Variants in ROCK1 observed in about 807,000 individuals in gnomAD.
ROCK1 encodes the protein Rho associated coiled-coil containing protein kinase 1.
A neutral mutation model predicts 196.8 loss-of-function variants in ROCK1; 36 were observed. That is an observed-to-expected ratio of 0.18 (90% confidence interval 0.14 to 0.24). The LOEUF is 0.24. ROCK1 is among the 10% of genes least tolerant of loss of function. The pLI is 1.00. For missense variants in ROCK1, 920 were observed against 1,562.0 expected, an observed-to-expected ratio of 0.59 and a Z score of 6.93; for synonymous variants, 443 against 515.9, an observed-to-expected ratio of 0.86 and a Z score of 1.91.
chr18:21,095,493 C>T (rs1339781521), intron 1 of ROCK1, among the ~76,000 whole-genome samples: 1 of 152,074 alleles, frequency 6.6e-6, no homozygotes, highest in Non-Finnish European at 1.5e-5. Context: ...AAATACGGTA[C>T]ATATACACAA....
At chr18:21,045,160 G>A (rs1428433484) in intron 5 of ROCK1, 132 bp downstream of exon 5, 7 of 753,328 alleles carry the variant, frequency 9.3e-6, no homozygotes, top group Non-Finnish European at 1.4e-5. Context: ...CGCCTGGCCA[G>A]AGTCTTGAGT....
rs1288764125 is a variant in ROCK1 at position 21,049,189 on chromosome 18, A to C, written c.317T>G (p.Leu106Arg). ...CTTTATCATTTCAAATTTGCTGAGA[A>C]GCTTCATAGCATATACCTTCCTGGT... ...KSTRKVYAMK[L>R]LSKFEMIKRS... Residue 106 changes from leucine to arginine, a missense_variant, in exon 4 of 33, where the codon CTT becomes CGT. By Grantham distance (102) the Leu-to-Arg change is moderately radical. Around this residue, in one of 6 missense-constraint regions of ROCK1, gnomAD observed 234 missense variants for 460.7 expected, o/e 0.51. Coordinates refer to ENST00000399799, the MANE Select transcript of ROCK1 (RefSeq NM_005406.3). 4 of 1,611,768 alleles carry C rather than the reference A, an allele frequency of 2.5e-6. No homozygotes were observed. Among genetic ancestry groups the C allele is most frequent in the South Asian group, 1.1e-5 (1 of 90,790 alleles).
At chr18:21,037,809 G>A (rs2036070068) in intron 9 of ROCK1, among the ~76,000 whole-genome samples, 1 of 152,078 alleles carries the variant, frequency 6.6e-6, no homozygotes, top group African/African-American at 2.4e-5. Flanking sequence ...AAAACTTTTG[G>A]TGGTTTGATC....
intron 2 of ROCK1, among the ~76,000 whole-genome samples, chr18:21,053,345 ACT>A (rs1285760218): frequency 6.6e-6 from 1 of 151,558 alleles, no homozygotes; most frequent in African/African-American, 2.4e-5. Flanking sequence ...GGGATGAGAT[ACT>A]CTGTTTTAAA....
chr18:21,067,383 CTTT>C (rs373333472), intron 2 of ROCK1, among the ~76,000 whole-genome samples: 2 of 125,314 alleles, frequency 1.6e-5, no homozygotes, highest in African/African-American at 2.9e-5. Context: ...TCTTTTCACT[CTTT>C]TTTTTTTTTT....
At position 21,020,218 on chromosome 18, in the gene ROCK1, T is replaced by C. The variant is rs45449301; in HGVS notation, c.1294A>G (p.Ile432Val). ...TGCAGCTGTTCTTCCAGCTTATAGA[T>C]TGTTTTTTGCAAACTTTCCTGCTTT... is the stretch of plus-strand genomic sequence containing the variant. ...KSLQESLQKT[I>V]YKLEEQLHNE... The change falls in exon 12 of 33, where the codon ATC becomes GTC. Residue 432 changes from isoleucine to valine, a missense_variant. By Grantham distance (29) the Ile-to-Val change is conservative. Coordinates refer to ENST00000399799, the MANE Select transcript of ROCK1 (RefSeq NM_005406.3). 5.7e-5 allele frequency: 91 copies of C among 1,592,002 alleles called. No homozygotes were observed. Among genetic ancestry groups the C allele is most frequent in the Non-Finnish European group, 7.5e-5 (88 of 1,173,210 alleles).
intron 4 of ROCK1, among the ~76,000 whole-genome samples, 169 bp downstream of exon 4, chr18:21,048,923 T>C (rs1256509862): frequency 6.6e-6 from 1 of 152,330 alleles, no homozygotes; most frequent in South Asian, 2.1e-4. Context: ...CTAGCCTTTC[T>C]TGCTAGAAAT....
chr18:21,075,405 T>C (rs2036421028), intron 1 of ROCK1, among the ~76,000 whole-genome samples: 1 of 152,162 alleles, frequency 6.6e-6, no homozygotes, highest in African/African-American at 2.4e-5. Flanking sequence ...AGGCAGATAA[T>C]ATAATTTGGA....
intron 22 of ROCK1, among the ~76,000 whole-genome samples, chr18:20,979,311 T>C (rs1238922087): frequency 5.3e-5 from 8 of 152,136 alleles, no homozygotes; most frequent in East Asian, 1.9e-4. Flanking sequence ...GCATGATTTA[T>C]ATATAAATAG....
At chr18:20,964,053 A>G (rs2035350904) in intron 27 of ROCK1, among the ~76,000 whole-genome samples, 1 of 152,180 alleles carries the variant, frequency 6.6e-6, no homozygotes, top group African/African-American at 2.4e-5. Context: ...AGATAATTAA[A>G]TTATAATCTT....
At chr18:20,973,174 C>T (rs114137376) in intron 22 of ROCK1, among the ~76,000 whole-genome samples, 1,541 of 152,154 alleles carry the variant, frequency 0.01, 20 homozygotes, top group African/African-American at 0.036. Context: ...CCACCACGCC[C>T]GGTGTAAGAG....
intron 19 of ROCK1, among the ~76,000 whole-genome samples, chr18:20,985,608 A>G (rs1409316235): frequency 7.9e-5 from 12 of 152,180 alleles, no homozygotes; most frequent in Non-Finnish European, 8.8e-5. Context: ...TGTAAGTTCC[A>G]ACACAGTCAG....
Position 21,101,118 on chromosome 18 carries a change from T to C in ROCK1, c.93+9700A>G, listed in dbSNP as rs140759424. Among the ~76,000 whole-genome samples the C allele has an allele frequency of 1.2e-4, 18 of 152,342 alleles. No individual in the cohort carries two copies. In the East Asian group the frequency reaches 3.5e-3, roughly 29 times the overall value. On this transcript the variant is annotated intron_variant, in intron 1 of 32. Coordinates refer to ENST00000399799, the MANE Select transcript of ROCK1 (RefSeq NM_005406.3). ...AAGTATTCATCCTGTATTTCATGAA[T>C]TGGATTTCATGGTAAACATACAGCC...
rs2036743390 is a variant in ROCK1 at position 21,110,723 on chromosome 18, G to T, written c.93+95C>A. 4 of 939,312 alleles carry T rather than the reference G, an allele frequency of 4.3e-6. No individual in the cohort carries two copies. In the East Asian group the frequency reaches 9.6e-5, roughly 22 times the overall value. The allele number at this position is 939,312 out of a possible 1,614,324, so 58.2% of individuals were successfully genotyped here. ...ATCTAGCATTTTCCAAGACGATTAT[G>T]CACACCTGAGACTTTTGCAGCGAAC... On this transcript the variant is annotated intron_variant, in intron 1 of 32. Transcript: ENST00000399799.
At position 20,953,661 on chromosome 18, in the gene ROCK1, A is replaced by C. The variant is rs2035212753; in HGVS notation, c.3978T>G (p.Arg1326=). The change falls in exon 32 of 33, where the codon CGT becomes CGG. Residue 1326 remains arginine, a synonymous_variant. Coordinates refer to ENST00000399799, the MANE Select transcript of ROCK1 (RefSeq NM_005406.3). ...TTGTAGAAAGCGTTCGAGGGGAAGC[A>C]CGAACAAAACCAGATGGTGGATTCT... ...IPKNPPSGFV[R]ASPRTLSTRS... 3.1e-6 allele frequency: 5 copies of C among 1,612,394 alleles called. No individual in the cohort carries two copies. Among genetic ancestry groups the C allele is most frequent in the Non-Finnish European group, 4.2e-6 (5 of 1,179,596 alleles).
chr18:20,950,296 T>G lies in ROCK1; in HGVS notation c.*1088A>C, dbSNP rs1348966124. 6 of 152,562 alleles carry G rather than the reference T, an allele frequency of 3.9e-5. No individual in the cohort carries two copies. Among genetic ancestry groups the G allele is most frequent in the Admixed American group, 3.9e-4 (6 of 15,308 alleles). 9.5% of individuals were successfully genotyped at this position (152,562 alleles called of 1,614,324 possible). On this transcript the variant is annotated 3_prime_UTR_variant, in exon 33 of 33. Coordinates refer to ENST00000399799, the MANE Select transcript of ROCK1 (RefSeq NM_005406.3). ...GTAGCAGGTAGTTTGATGCAAAGAT[T>G]GTACTCAATTTATGAAAGTCCAACA...
At chr18:21,086,389 G>A (rs2036527970) in intron 1 of ROCK1, among the ~76,000 whole-genome samples, 1 of 152,176 alleles carries the variant, frequency 6.6e-6, no homozygotes, top group Admixed American at 6.5e-5. Flanking sequence ...TGAGATTACA[G>A]GCGTGAGCCA....
chr18:20,991,092 G>T, intron 18 of ROCK1, 84 bp downstream of exon 18: 3 of 1,011,966 alleles, frequency 3.0e-6, no homozygotes, highest in Non-Finnish European at 4.4e-6. Context: ...ACGAGTTAAA[G>T]AGTACAAAAT....
chr18:21,109,362 A>G (rs1168244743), intron 1 of ROCK1, among the ~76,000 whole-genome samples: 28 of 152,134 alleles, frequency 1.8e-4, no homozygotes, highest in Non-Finnish European at 4.4e-5. Context: ...AAGCTACTAA[A>G]CCCTCCCTAT....
Sources: allele counts gnomAD v4.1 joint callset (sites outside exome capture counted in the v4.1 genomes callset), GRCh38; gene constraint gnomAD v4.1.1; regional missense constraint gnomAD v4.1.1; transcripts MANE v1.5; gene names NCBI Gene and HGNC (gene_info 2026-07-23, HGNC 2026-07-21).